Variants in ITPR3 observed in about 807,000 individuals in gnomAD.
ITPR3 encodes the protein inositol 1,4,5-trisphosphate receptor type 3, also known as inositol 1,4,5-trisphosphate-gated calcium channel ITPR3.
A neutral mutation model predicts 293.2 loss-of-function variants in ITPR3; 173 were observed. The ratio of observed to expected loss-of-function variants is 0.59; its 90% CI spans 0.52 to 0.67. The LOEUF (loss-of-function observed/expected upper bound fraction) is 0.67, where lower values mean the gene tolerates loss of function less well. ITPR3 is among the 30% of genes least tolerant of loss of function. The pLI, the probability that ITPR3 is intolerant of heterozygous loss-of-function variation, is 0.00. For synonymous variants in ITPR3, 1,295 were observed against 1,444.4 expected, an observed-to-expected ratio of 0.90 and a Z score of 2.35; for missense variants, 2,796 against 3,592.1, an observed-to-expected ratio of 0.78 and a Z score of 5.66.
chr6:33,627,440 T>G (rs1422309338), intron 1 of ITPR3, among the ~76,000 whole-genome samples: 1 of 152,266 alleles, frequency 6.6e-6, no homozygotes, highest in Non-Finnish European at 1.5e-5. Flanking sequence ...TATTTTCCCA[T>G]GCCAACACAC....
At chr6:33,676,967 CCTGTGAGGGCTGGGCCTGG>C in intron 26 of ITPR3, 29 bp from the exon 27 acceptor site, 1 of 1,613,906 alleles carries the variant, frequency 6.2e-7, no homozygotes, top group Non-Finnish European at 8.5e-7. Flanking sequence ...GGCAGGCCTC[CCTGTGAGGGCTGGGCCTGG>C]CTGATCTCCT....
In ITPR3 at chr6:33,633,904, G is replaced by T. The variant is rs905073664; in HGVS notation, c.90-6580G>T. 6.6e-6 allele frequency among the ~76,000 whole-genome samples: 1 copy of T among 151,434 alleles called. No homozygotes were observed. The highest frequency in any genetic ancestry group is 2.4e-5 in the African/African-American group (1 of 41,338). On this transcript the variant is annotated intron_variant, in intron 1 of 57. Coordinates refer to ENST00000605930, the MANE Select transcript of ITPR3 (RefSeq NM_002224.4). The surrounding 1 kb of genome is among the most constrained non-coding windows in gnomAD (Gnocchi z 5.2). ...AGACCTACGCTCTCCGGAGCCGCGC[G>T]GACCCAGAACCGCTCCCACCACGCA...
chr6:33,684,905 G>A lies in ITPR3; in HGVS notation c.5269G>A (p.Ala1757Thr), dbSNP rs755395041. 8.7e-6 allele frequency: 14 copies of A among 1,613,686 alleles called. No homozygotes were observed. Among genetic ancestry groups the A allele is most frequent in the Non-Finnish European group, 1.2e-5 (14 of 1,179,734 alleles). Residue 1757 changes from alanine (A) to threonine (T), a missense_variant, in exon 39 of 58, where the codon GCC becomes ACC. Ala to Thr is a moderately conservative substitution (Grantham distance 58). Coordinates refer to ENST00000605930, the MANE Select transcript of ITPR3 (RefSeq NM_002224.4). This position sits in a 1 kb window ranked among gnomAD's most constrained non-coding sequence, Gnocchi z 4.2. Reference sequence around the variant, plus strand: ...GATCTTCCAGGAGAGCATCGGCCTGGCCATCCACCTGCTGGATGGTGGCAA... The same window carrying A: ...GATCTTCCAGGAGAGCATCGGCCTGACCATCCACCTGCTGGATGGTGGCAA... ...EKIFQESIGL[A>T]IHLLDGGNTE...
Position 33,672,277 on chromosome 6 carries a change from A to T in ITPR3, c.2928+49A>T. Reference sequence around the variant, plus strand: ...GAGGTGTTGGGTATAGGGGGAGGGTAATGGGGCGGGTACAGGGAGGCTGGG... The same window carrying T: ...GAGGTGTTGGGTATAGGGGGAGGGTTATGGGGCGGGTACAGGGAGGCTGGG... On this transcript the variant is annotated intron_variant, in intron 22 of 57. Transcript: ENST00000605930. This position sits in a 1 kb window ranked among gnomAD's most constrained non-coding sequence, Gnocchi z 5.0. The T allele has an allele frequency of 1.3e-6, 2 of 1,494,748 alleles. No homozygotes were observed. The highest frequency in any genetic ancestry group is 9.3e-7 in the Non-Finnish European group (1 of 1,077,182). The allele number at this position is 1,494,748 out of a possible 1,614,324, so 92.6% of individuals were successfully genotyped here.
chr6:33,656,491 C>T (rs1764309162), intron 3 of ITPR3, among the ~76,000 whole-genome samples: 1 of 151,874 alleles, frequency 6.6e-6, no homozygotes, highest in Non-Finnish European at 1.5e-5. Flanking sequence ...GAGCCTGGGG[C>T]CCTTAGATGG....
rs2274197 is a variant in ITPR3, at chr6:33,677,338, G to T, written c.3523-166G>T. ...CTATTTACTTTTATGGGTGGAATTG[G>T]TTTTTTTAGTGCTTCCCTAGCCTGT... is the stretch of plus-strand genomic sequence containing the variant. On this transcript the variant is annotated intron_variant, in intron 27 of 57. Transcript: ENST00000605930. Among the ~76,000 whole-genome samples the T allele has an allele frequency of 0.2, 30,190 of 152,124 alleles. 3,621 individuals are homozygous for T. The highest frequency in any genetic ancestry group is 0.29 in the South Asian group (1,377 of 4,818).
At chr6:33,631,649 G>C (rs373582839) in intron 1 of ITPR3, among the ~76,000 whole-genome samples, 1 of 152,180 alleles carries the variant, frequency 6.6e-6, no homozygotes. Flanking sequence ...TTAAGCCTCC[G>C]GATGACTGCG....
Position 33,662,579 on chromosome 6 carries a change from G to A in ITPR3, c.763G>A (p.Asp255Asn). The part of the protein sequence containing the change: ...HAEQEKFLTC[D>N]EYKGKLQVFL... ...GGAGCAGGAGAAGTTCCTGACGTGT[G>A]ACGAGTACAAGGGCAAGCTGCAGGT... Residue 255 changes from aspartate to asparagine, a missense_variant, in exon 8 of 58, where the codon GAC (aspartate) becomes AAC (asparagine). This residue lies in a region of ITPR3 where 955 missense variants were observed against 1,180.8 expected (regional missense o/e 0.81). Coordinates refer to ENST00000605930, the MANE Select transcript of ITPR3 (RefSeq NM_002224.4). 1 of 1,611,742 alleles carries A rather than the reference G, an allele frequency of 6.2e-7. No homozygotes were observed. The highest frequency in any genetic ancestry group is 8.5e-7 in the Non-Finnish European group (1 of 1,179,586).
intron 2 of ITPR3, among the ~76,000 whole-genome samples, chr6:33,650,921 T>C (rs1172758113): frequency 2.0e-5 from 3 of 152,066 alleles, no homozygotes; most frequent in Non-Finnish European, 4.4e-5. Context: ...TCCCTCGCGG[T>C]GTCTGGTTCC....
rs565519560 is a variant in ITPR3 at position 33,671,123 on chromosome 6, G to T, written c.2587-42G>T. The T allele has an allele frequency of 2.5e-6, 4 of 1,608,656 alleles. No individual in the cohort carries two copies. In the East Asian group the frequency reaches 8.9e-5, roughly 36 times the overall value. ...CCTCCACGAAGCCCCGCCCCTACGC[G>T]CCGGCCCCTCCCACCTCACCTCGGC... On this transcript the variant is annotated intron_variant, in intron 20 of 57. Transcript: ENST00000605930.
intron 50 of ITPR3, among the ~76,000 whole-genome samples, chr6:33,689,717 T>C (rs13204975): frequency 0.14 from 20,578 of 152,222 alleles, 1,846 homozygotes; most frequent in Middle Eastern, 0.21. Context: ...GCGGCAGACG[T>C]GAAGATTCAT....
At chr6:33,659,169 C>T in intron 6 of ITPR3, 50 bp downstream of exon 6, 1 of 1,527,066 alleles carries the variant, frequency 6.5e-7, no homozygotes, top group Non-Finnish European at 9.1e-7. Flanking sequence ...CCACACACCC[C>T]TGGTGGTGTA....
chr6:33,657,610 G>C (rs547427468), intron 3 of ITPR3, among the ~76,000 whole-genome samples: 4 of 152,096 alleles, frequency 2.6e-5, no homozygotes, highest in Admixed American at 6.5e-5. Context: ...AGGTTCCTGG[G>C]GGGGTAAGGG....
intron 7 of ITPR3, 75 bp from the exon 8 acceptor site, chr6:33,662,453 T>G (rs1582130980): frequency 6.7e-7 from 1 of 1,493,320 alleles, no homozygotes. Context: ...CTGAGGCAGG[T>G]GGGGCTGGGC....
At chr6:33,637,289 A>G (rs1452930145) in intron 1 of ITPR3, among the ~76,000 whole-genome samples, 1 of 152,136 alleles carries the variant, frequency 6.6e-6, no homozygotes, top group Non-Finnish European at 1.5e-5. Context: ...GGGTTCCCAC[A>G]ACTCCCTCTT....
chr6:33,680,183 G>A (rs764473798), intron 31 of ITPR3, 50 bp downstream of exon 31: 4 of 1,597,860 alleles, frequency 2.5e-6, no homozygotes, highest in Non-Finnish European at 3.4e-6. Flanking sequence ...GCGAAGGGGT[G>A]GGTAAAGCCA....
chr6:33,695,133 GCAGT>G (rs768570683), intron 57 of ITPR3, 48 bp downstream of exon 57: 1 of 1,597,722 alleles, frequency 6.3e-7, no homozygotes, highest in South Asian at 1.1e-5. Flanking sequence ...CTATCCCTGG[GCAGT>G]CCCTGCCTGC....
Position 33,678,364 on chromosome 6 carries a change from G to C in ITPR3, c.3649-57G>C, listed in dbSNP as rs554125210. On this transcript the variant is annotated intron_variant, in intron 28 of 57. Transcript: ENST00000605930. ...CCCTGCTCCTGTCAGAGCTCAGCCA[G>C]GGCCTCGCCTCCCTCCTTGGTGGGC... 45 of 1,596,944 alleles carry C rather than the reference G, an allele frequency of 2.8e-5. No individual in the cohort carries two copies. The Admixed American group carries it at 4.7e-4, about 17-fold the overall frequency.
At chr6:33,640,444 G>T (rs368007181) in intron 1 of ITPR3, 40 bp from the exon 2 acceptor site, 50 of 1,594,952 alleles carry the variant, frequency 3.1e-5, no homozygotes, top group Non-Finnish European at 1.5e-5. Flanking sequence ...TGGGAGATAG[G>T]TCTCTTCTCT....
Sources: allele counts gnomAD v4.1 joint callset (sites outside exome capture counted in the v4.1 genomes callset), GRCh38; gene constraint gnomAD v4.1.1; regional missense constraint gnomAD v4.1.1; non-coding constraint Gnocchi (gnomAD v3.1); transcripts MANE v1.5; gene names NCBI Gene and HGNC (gene_info 2026-07-23, HGNC 2026-07-21).